The following NECTIN4 variants were observed in gnomAD, a reference collection of about 807,000 sequenced individuals.
NECTIN4 encodes the protein nectin cell adhesion molecule 4, also known as nectin-4.
NECTIN4 carries 19 observed loss-of-function variants against 51.7 expected under a neutral mutation model. The observed-to-expected ratio is 0.37, with a 90% CI of 0.26 to 0.54. The LOEUF (loss-of-function observed/expected upper bound fraction) is 0.54, where lower values mean the gene tolerates loss of function less well. Ranked by LOEUF, NECTIN4 falls within the 20% of genes least tolerant of loss-of-function variation. NECTIN4 has a pLI of 0.86. For missense variants in NECTIN4, 619 were observed against 662.4 expected (o/e 0.93, Z 0.72); for synonymous variants, 283 against 286.9 (o/e 0.99, Z 0.14).
At position 161,079,956 on chromosome 1, in the gene NECTIN4, G is replaced by A. The variant is rs1406993332; in HGVS notation, c.80-7C>T. ...TCACCCGCGGGGCACCGGCCTGCAG[G>A]GGGCAGAGAGGGACAGCCACCATTA... is the stretch of plus-strand genomic sequence containing the variant. On this transcript the variant is annotated splice_polypyrimidine_tract_variant and splice_region_variant and intron_variant, in intron 1 of 8. Transcript: ENST00000368012. 1 of 1,589,388 alleles carries A rather than the reference G, an allele frequency of 6.3e-7. No individual in the cohort carries two copies. Among genetic ancestry groups the A allele is most frequent in the Non-Finnish European group, 8.6e-7 (1 of 1,164,548 alleles).
At chr1:161,074,561 C>T (rs756375579) in intron 5 of NECTIN4, 50 bp downstream of exon 5, 2 of 1,610,754 alleles carry the variant, frequency 1.2e-6, no homozygotes, top group South Asian at 2.2e-5. Flanking sequence ...GCTGCCCCCA[C>T]CAAGCCCTTG....
At chr1:161,086,216 G>T (rs1293843314) in intron 1 of NECTIN4, among the ~76,000 whole-genome samples, 1 of 152,140 alleles carries the variant, frequency 6.6e-6, no homozygotes, top group Non-Finnish European at 1.5e-5. Context: ...TGAGGCTCTG[G>T]TCTGGCTGAT....
At chr1:161,077,922 C>T (rs1277787380) in intron 2 of NECTIN4, among the ~76,000 whole-genome samples, 179 bp from the exon 3 acceptor site, 1 of 151,758 alleles carries the variant, frequency 6.6e-6, no homozygotes, top group Non-Finnish European at 1.5e-5. Flanking sequence ...CTCTACTGTG[C>T]GAATTTTTTA....
rs1654071145 is a variant in NECTIN4 at position 161,089,016 on chromosome 1, G to C, written c.79+202C>G. Among the ~76,000 whole-genome samples, 1 of 151,982 alleles carries C rather than the reference G, an allele frequency of 6.6e-6. No homozygotes were observed. Among genetic ancestry groups the C allele is most frequent in the South Asian group, 2.1e-4 (1 of 4,818 alleles). On this transcript the variant is annotated intron_variant, in intron 1 of 8. Transcript: ENST00000368012. The surrounding 1 kb of genome is among the most constrained non-coding windows in gnomAD (Gnocchi z 4.1). ...TAGTGACCTGGCCTGGGGGCTGGGAGGAAACAAGAAGGGGGAGGGCTATAC... is the reference window on the plus strand; with the variant it reads ...TAGTGACCTGGCCTGGGGGCTGGGACGAAACAAGAAGGGGGAGGGCTATAC...
chr1:161,076,908 C>G (rs536282471), intron 3 of NECTIN4, among the ~76,000 whole-genome samples: 1 of 152,244 alleles, frequency 6.6e-6, no homozygotes, highest in Admixed American at 6.5e-5. Context: ...ACAGTCTTAT[C>G]CCCTCCAGAG....
At chr1:161,081,688 C>G (rs1653683936) in intron 1 of NECTIN4, among the ~76,000 whole-genome samples, 1 of 152,118 alleles carries the variant, frequency 6.6e-6, no homozygotes, top group African/African-American at 2.4e-5. Flanking sequence ...TGTTGTTCCT[C>G]ACCTCTGCTC....
chr1:161,077,513 C>T lies in NECTIN4; in HGVS notation c.670G>A (p.Val224Met). 6.2e-7 allele frequency: 1 copy of T among 1,614,122 alleles called. No individual in the cohort carries two copies. Among genetic ancestry groups the T allele is most frequent in the Non-Finnish European group, 8.5e-7 (1 of 1,180,032 alleles). ...RSMNGQPLTC[V>M]VSHPGLLQDQ... Reference sequence around the variant, plus strand: ...TGGAGCAGGCCAGGATGGGACACCACACAAGTCAGTGGCTGCCCATTCATG... The same window carrying T: ...TGGAGCAGGCCAGGATGGGACACCATACAAGTCAGTGGCTGCCCATTCATG... Residue 224 changes from valine (V) to methionine (M), a missense_variant, in exon 3 of 9, where the codon GTG (valine) becomes ATG (methionine). Transcript: ENST00000368012.
chr1:161,073,340 C>T, intron 7 of NECTIN4, 41 bp from the exon 8 acceptor site: 2 of 1,551,762 alleles, frequency 1.3e-6, no homozygotes, highest in Admixed American at 1.7e-5. Flanking sequence ...CAGGGCTCAG[C>T]CTCCTCCCCT....
chr1:161,085,697 C>CT (rs397798727), intron 1 of NECTIN4, among the ~76,000 whole-genome samples: 19,717 of 133,888 alleles, frequency 0.15, 1,694 homozygotes, highest in Middle Eastern at 0.19. Context: ...TTCGCCTCCT[C>CT]TTTTTTTTTT....
chr1:161,072,208 G>A lies in NECTIN4; in HGVS notation c.*453C>T. On this transcript the variant is annotated 3_prime_UTR_variant, in exon 9 of 9. Coordinates refer to ENST00000368012, the MANE Select transcript of NECTIN4 (RefSeq NM_030916.3). ...CTCCAACCTCTGCATCATTAATACT[G>A]CTCTGGGGTCTGAGAAAATACCTGC... is the stretch of plus-strand genomic sequence containing the variant. 3.1e-6 allele frequency: 1 copy of A among 320,252 alleles called. No individual in the cohort carries two copies. The highest frequency in any genetic ancestry group is 6.1e-6 in the Non-Finnish European group (1 of 162,718). 19.8% of individuals were successfully genotyped at this position (320,252 alleles called of 1,614,324 possible).
Position 161,072,228 on chromosome 1 carries a change from A to G in NECTIN4, c.*433T>C. 3.1e-6 allele frequency: 1 copy of G among 322,870 alleles called. No homozygotes were observed. The highest frequency in any genetic ancestry group is 8.0e-5 in the East Asian group (1 of 12,510). 20.0% of individuals were successfully genotyped at this position (322,870 alleles called of 1,614,324 possible). A position where few individuals can be genotyped will look rare whatever the true frequency, so the allele number is the denominator to read the frequency against. ...ATACTGCTCTGGGGTCTGAGAAAAT[A>G]CCTGCTTTTTCAGGCAGAGGTCACA... On this transcript the variant is annotated 3_prime_UTR_variant, in exon 9 of 9. Coordinates refer to ENST00000368012, the MANE Select transcript of NECTIN4 (RefSeq NM_030916.3).
chr1:161,074,573 C>T, intron 5 of NECTIN4, 38 bp downstream of exon 5: 1 of 1,613,320 alleles, frequency 6.2e-7, no homozygotes, highest in Non-Finnish European at 8.5e-7. Context: ...AAGCCCTTGG[C>T]CCAGGTCCTT....
In NECTIN4 at chr1:161,071,126, G is replaced by A. The variant is rs1436890086; in HGVS notation, c.*1535C>T. On this transcript the variant is annotated 3_prime_UTR_variant, in exon 9 of 9. Coordinates refer to ENST00000368012, the MANE Select transcript of NECTIN4 (RefSeq NM_030916.3). ...CATTCGAAGTCCTAGGCTGGCTGGG[G>A]AACGAAGGATGGGAGCCTCTCCCTT... 1 of 152,200 alleles carries A rather than the reference G, an allele frequency of 6.6e-6. No homozygotes were observed. The highest frequency in any genetic ancestry group is 1.5e-5 in the Non-Finnish European group (1 of 68,032). 9.4% of individuals were successfully genotyped at this position (152,200 alleles called of 1,614,324 possible).
Position 161,077,697 on chromosome 1 carries a change from G to A in NECTIN4, c.486C>T (p.Gly162=). 1 of 1,612,646 alleles carries A rather than the reference G, an allele frequency of 6.2e-7. No individual in the cohort carries two copies. Among genetic ancestry groups the A allele is most frequent in the South Asian group, 1.1e-5 (1 of 91,060 alleles). The part of the protein sequence containing the change: ...SLNPGPALEE[G]QGLTLAASCT... ...AGGAGGCTGCCAGGGTCAGGCCCTG[G>A]CCCTCTTCTAGTGCTGGACCAGGAT... The change falls in exon 3 of 9, where the codon GGC becomes GGT. Residue 162 remains glycine, a synonymous_variant. Transcript: ENST00000368012.
chr1:161,076,529 G>A, intron 3 of NECTIN4, 54 bp from the exon 4 acceptor site: 3 of 1,608,314 alleles, frequency 1.9e-6, no homozygotes, highest in East Asian at 2.2e-5. Flanking sequence ...TGATCATGTG[G>A]TACCTCAAAG....
intron 1 of NECTIN4, among the ~76,000 whole-genome samples, chr1:161,088,993 G>A (rs1654069102): frequency 6.6e-6 from 1 of 152,068 alleles, no homozygotes; most frequent in Non-Finnish European, 1.5e-5. Flanking sequence ...CCCAGACATA[G>A]TGACCTGGCC....
Position 161,079,746 on chromosome 1 carries a change from C to G in NECTIN4, c.283G>C (p.Glu95Gln), listed in dbSNP as rs1653587677. ...GGCGGCGGCTGCTCCACGCGGCCCT[C>G]GTAAGCCGGGCTCACATGAAGCCCG... ...KYGLHVSPAY[E>Q]GRVEQPPPPR... Residue 95 changes from glutamate to glutamine, a missense_variant, in exon 2 of 9, where the codon GAG becomes CAG. Physicochemically the swap from Glu to Gln is conservative, Grantham distance 29 (BLOSUM62 2). This residue lies in a region of NECTIN4 where 218 missense variants were observed against 186.3 expected (regional missense o/e 1.17). Coordinates refer to ENST00000368012, the MANE Select transcript of NECTIN4 (RefSeq NM_030916.3). 1.9e-6 allele frequency: 3 copies of G among 1,610,994 alleles called. No homozygotes were observed. The highest frequency in any genetic ancestry group is 1.6e-4 in the Middle Eastern group (1 of 6,084).
chr1:161,079,141 T>C (rs921876909), intron 2 of NECTIN4, among the ~76,000 whole-genome samples: 3 of 152,232 alleles, frequency 2.0e-5, no homozygotes, highest in East Asian at 3.8e-4. Context: ...AGGACCCACA[T>C]TGTAAAAAAT....
chr1:161,088,966 G>A (rs1331453345), intron 1 of NECTIN4, among the ~76,000 whole-genome samples: 4 of 152,096 alleles, frequency 2.6e-5, no homozygotes, highest in South Asian at 4.1e-4. Flanking sequence ...CAAGGCTTTG[G>A]CAGAGGTGTC....
Sources: allele counts gnomAD v4.1 joint callset (sites outside exome capture counted in the v4.1 genomes callset), GRCh38; gene constraint gnomAD v4.1.1; regional missense constraint gnomAD v4.1.1; non-coding constraint Gnocchi (gnomAD v3.1); transcripts MANE v1.5; gene names NCBI Gene and HGNC (gene_info 2026-07-23, HGNC 2026-07-21).